Variants in DNAAF11 observed in about 807,000 individuals in gnomAD.
DNAAF11 encodes dynein axonemal assembly factor 11, also known as leucine rich repeat containing 6.
Under a neutral mutation model 60.8 loss-of-function variants are expected in DNAAF11, and 45 were observed. The observed-to-expected ratio is 0.74, with a 90% confidence interval of 0.58 to 0.95. DNAAF11 has a LOEUF of 0.95. DNAAF11 is among the 40% of genes least tolerant of loss of function. The pLI is 0.00. For missense variants in DNAAF11, 546 were observed against 546.2 expected (o/e 1.00, Z 0.00); for synonymous variants, 191 against 183.5 (o/e 1.04, Z -0.33).
Position 132,611,185 on chromosome 8 carries a change from C to A in DNAAF11, c.1044+109G>T, listed in dbSNP as rs187912454. The A allele has an allele frequency of 1.3e-5, 9 of 719,114 alleles. No individual in the cohort carries two copies. In the African/African-American group the frequency reaches 1.6e-4, roughly 13 times the overall value. The allele number at this position is 719,114 out of a possible 1,614,324, so 44.5% of individuals were successfully genotyped here. ...CTGGGATTACAGGCATGAGCCACTG[C>A]GCCCGGGCCCTTTTTCTATTTTAAT... On this transcript the variant is annotated intron_variant, in intron 9 of 11. Coordinates refer to ENST00000620350, the MANE Select transcript of DNAAF11 (RefSeq NM_012472.6).
chr8:132,601,371 T>C (rs193027917), intron 10 of DNAAF11, among the ~76,000 whole-genome samples: 12,935 of 151,584 alleles, frequency 0.085, 724 homozygotes, highest in South Asian at 0.15. Flanking sequence ...GTGGTGATTC[T>C]TCAAGGATCT....
At chr8:132,597,958 T>G (rs1817196194) in intron 10 of DNAAF11, among the ~76,000 whole-genome samples, 1 of 152,204 alleles carries the variant, frequency 6.6e-6, no homozygotes, top group Non-Finnish European at 1.5e-5. Context: ...GGAACAAAAT[T>G]TTAAAGGTGA....
chr8:132,613,941 A>G (rs1193165436), intron 8 of DNAAF11, among the ~76,000 whole-genome samples: 1 of 152,084 alleles, frequency 6.6e-6, no homozygotes, highest in Non-Finnish European at 1.5e-5. Flanking sequence ...ATGCATGTCA[A>G]TGTCATACTC....
chr8:132,610,962 T>C (rs1195195345), intron 9 of DNAAF11, among the ~76,000 whole-genome samples: 3 of 152,186 alleles, frequency 2.0e-5, no homozygotes, highest in Admixed American at 6.5e-5. Flanking sequence ...TGGGGTGATC[T>C]TAACTCACTG....
At chr8:132,677,677 G>A (rs6471088), upstream of DNAAF11, among the ~76,000 whole-genome samples, 24,804 of 151,950 alleles carry the variant, frequency 0.16, 5,682 homozygotes, top group African/African-American at 0.52. Context: ...CCAGGAGTTC[G>A]AGGCTGCAGT....
At chr8:132,574,570 C>A (rs969873652) in intron 11 of DNAAF11, among the ~76,000 whole-genome samples, 1 of 152,210 alleles carries the variant, frequency 6.6e-6, no homozygotes, top group Non-Finnish European at 1.5e-5. Context: ...AGGGAAAGGA[C>A]TCTTAGAAAC....
intron 1 of DNAAF11, among the ~76,000 whole-genome samples, chr8:132,666,993 C>G (rs1281514737): frequency 6.6e-6 from 1 of 152,090 alleles, no homozygotes; most frequent in African/African-American, 2.4e-5. Context: ...GGAGAGAGGC[C>G]ATAGAAGATT....
intron 3 of DNAAF11, among the ~76,000 whole-genome samples, chr8:132,649,008 TACTTTTTTATGGA>T (rs1279600946): frequency 2.0e-5 from 3 of 152,198 alleles, no homozygotes; most frequent in Non-Finnish European, 2.9e-5. Flanking sequence ...TGGAAAAAAC[TACTTTTTTATGGA>T]ACTTTTTTAT....
In DNAAF11 at chr8:132,638,091, T is replaced by C; in HGVS notation, c.273A>G (p.Ala91=). 1 of 1,613,720 alleles carries C rather than the reference T, an allele frequency of 6.2e-7. No homozygotes were observed. Among genetic ancestry groups the C allele is most frequent in the Non-Finnish European group, 8.5e-7 (1 of 1,179,902 alleles). ...TGAAATTCACAGTCAGGTCAAGTTT[T>C]GCCAGCTCTTCACATCCTGTTGAGA... The part of the protein sequence containing the change: ...IENLEGCEEL[A]KLDLTVNFIG... The change falls in exon 4 of 12, where the codon GCA becomes GCG. Residue 91 remains alanine (A), a synonymous_variant. Coordinates refer to ENST00000620350, the MANE Select transcript of DNAAF11 (RefSeq NM_012472.6).
chr8:132,674,748 G>A (rs577263367), intron 1 of DNAAF11, among the ~76,000 whole-genome samples: 2 of 152,298 alleles, frequency 1.3e-5, no homozygotes, highest in South Asian at 4.1e-4. Context: ...AATTAGCCTG[G>A]CGTGGTGGTG....
intron 11 of DNAAF11, among the ~76,000 whole-genome samples, chr8:132,582,707 A>G (rs1815463830): frequency 6.6e-6 from 1 of 152,240 alleles, no homozygotes; most frequent in Non-Finnish European, 1.5e-5. Flanking sequence ...GTTGTCTTTG[A>G]ATATACCAAT....
At chr8:132,657,982 T>C (rs1823747886) in intron 2 of DNAAF11, among the ~76,000 whole-genome samples, 1 of 152,186 alleles carries the variant, frequency 6.6e-6, no homozygotes, top group Admixed American at 6.5e-5. Flanking sequence ...TAGAAAACTT[T>C]GCTAAGGAAT....
chr8:132,679,639 GT>G (rs1375046647), upstream of DNAAF11, among the ~76,000 whole-genome samples: 1 of 152,210 alleles, frequency 6.6e-6, no homozygotes, highest in African/African-American at 2.4e-5. Context: ...ATTCCCACGT[GT>G]TGTGGGAGGG....
intron 10 of DNAAF11, among the ~76,000 whole-genome samples, chr8:132,598,203 C>T (rs1372032343): frequency 6.6e-6 from 1 of 152,090 alleles, no homozygotes; most frequent in South Asian, 2.1e-4. Context: ...ATGTCTTTGT[C>T]GTTATTATTA....
intron 1 of DNAAF11, among the ~76,000 whole-genome samples, chr8:132,671,021 G>GT (rs954768751): frequency 1.3e-5 from 2 of 152,070 alleles, no homozygotes; most frequent in African/African-American, 4.8e-5. Flanking sequence ...GACTCTTCCC[G>GT]TAAGAATCAG....
At chr8:132,614,277 C>T (rs1818937308) in intron 8 of DNAAF11, among the ~76,000 whole-genome samples, 2 of 152,078 alleles carry the variant, frequency 1.3e-5, no homozygotes, top group African/African-American at 2.4e-5. Context: ...ACAAGGACAC[C>T]GAGGGTGATA....
chr8:132,680,153 G>T (rs1427800193), upstream of DNAAF11, among the ~76,000 whole-genome samples: 1 of 152,190 alleles, frequency 6.6e-6, no homozygotes, highest in East Asian at 1.9e-4. Flanking sequence ...GAGGACAACT[G>T]GGAAATCACG....
At chr8:132,694,222 G>A in the DNAAF11 span, among the ~76,000 whole-genome samples, 1 of 152,160 alleles carries the variant, frequency 6.6e-6, no homozygotes, top group Non-Finnish European at 1.5e-5. Context: ...AAATTAGAGT[G>A]GATATAGGTT....
At chr8:132,581,854 A>G (rs1441688519) in intron 11 of DNAAF11, among the ~76,000 whole-genome samples, 3 of 152,194 alleles carry the variant, frequency 2.0e-5, no homozygotes, top group Non-Finnish European at 4.4e-5. Context: ...AGCATCATGT[A>G]GCAGAGTCAG....
Sources: gnomAD v4.1 joint callset for allele counts (sites outside exome capture counted in the v4.1 genomes callset) on GRCh38, gnomAD v4.1.1 for gene constraint, MANE v1.5 for transcripts, NCBI Gene and HGNC (gene_info 2026-07-23, HGNC 2026-07-21) for gene names.